The following ATP7A variants were observed in gnomAD, a reference collection of about 807,000 sequenced individuals.
ATP7A encodes the protein ATPase copper transporting alpha.
ATP7A carries 7 observed loss-of-function variants against 83.5 expected under a neutral mutation model. That is an observed-to-expected ratio of 0.08 (90% CI 0.05 to 0.16). ATP7A has a LOEUF of 0.16. Among genes scored for constraint, ATP7A ranks in the 10% least tolerant of loss-of-function variants. The pLI, the probability that ATP7A is intolerant of heterozygous loss-of-function variation, is 1.00. For missense variants in ATP7A, 940 were observed against 1,120.8 expected, an observed-to-expected ratio of 0.84 and a Z score of 2.30; for synonymous variants, 354 against 395.2, an observed-to-expected ratio of 0.90 and a Z score of 1.24.
At chrX:77,923,304 T>C (rs782514729) in intron 1 of ATP7A, 1 of 111,792 alleles carries the variant, frequency 8.9e-6, no homozygotes, top group South Asian at 3.7e-4. Context: ...CCATGCACAA[T>C]TTTTTCCCTC....
At chrX:78,038,051 C>T (rs782183000) in intron 17 of ATP7A, among the ~76,000 whole-genome samples, 5 of 73,144 alleles carry the variant, frequency 6.8e-5, no homozygotes, top group African/African-American at 2.9e-4. Context: ...CAGGAGTGGG[C>T]GGGGAGAATT....
chrX:77,950,498 T>C, intron 1 of ATP7A, among the ~76,000 whole-genome samples: 1 of 111,800 alleles, frequency 8.9e-6, no homozygotes, highest in Non-Finnish European at 1.9e-5. Context: ...TGTTCTGTTT[T>C]AAGCCACATA....
At chrX:77,990,302 A>G (rs2077662090) in intron 4 of ATP7A, among the ~76,000 whole-genome samples, 1 of 112,344 alleles carries the variant, frequency 8.9e-6, no homozygotes, top group Non-Finnish European at 1.9e-5. Context: ...AGCTATATAT[A>G]CAATGTGATC....
chrX:78,037,422 A>G (rs1473189772), intron 17 of ATP7A, among the ~76,000 whole-genome samples: 1 of 112,643 alleles, frequency 8.9e-6, no homozygotes, highest in Non-Finnish European at 1.9e-5. Context: ...TGTATTAAAC[A>G]TAGCAGATAT....
Position 78,046,704 on chromosome X carries a change from T to G in ATP7A, c.*134T>G, listed in dbSNP as rs1322388877. On this transcript the variant is annotated 3_prime_UTR_variant, in exon 23 of 23. Coordinates refer to ENST00000341514, the MANE Select transcript of ATP7A (RefSeq NM_000052.7). Reference sequence around the variant, plus strand: ...TATTAGGGATTCTATTTGAGTTGCGTTTATCTGTTGGCAAAAATATCTTTT... The same window carrying G: ...TATTAGGGATTCTATTTGAGTTGCGGTTATCTGTTGGCAAAAATATCTTTT... 1.1e-6 allele frequency: 1 copy of G among 887,271 alleles called. No individual in the cohort carries two copies. The highest frequency in any genetic ancestry group is 2.0e-5 in the African/African-American group (1 of 50,729). 73.1% of individuals were successfully genotyped at this position (887,271 alleles called of 1,213,427 possible).
chrX:78,050,254 C>G lies in ATP7A; in HGVS notation c.*3684C>G. ...TTGTTGAACATTGATTGTTTGGTAC[C>G]GAAAACAGCAGTGGACGATGTTGTG... On this transcript the variant is annotated 3_prime_UTR_variant, in exon 23 of 23. Transcript: ENST00000341514. 1 of 111,793 alleles carries G rather than the reference C, an allele frequency of 8.9e-6. No homozygotes were observed. The highest frequency in any genetic ancestry group is 1.9e-5 in the Non-Finnish European group (1 of 53,057). The allele number at this position is 111,793 out of a possible 1,213,427, so 9.2% of individuals were successfully genotyped here.
intron 15 of ATP7A, among the ~76,000 whole-genome samples, chrX:78,029,658 A>G (rs947069076): frequency 3.6e-5 from 4 of 111,997 alleles, no homozygotes; most frequent in Admixed American, 2.8e-4. Flanking sequence ...CTCCAGGCCT[A>G]TTTATTAGAG....
Position 77,970,375 on chromosome X carries a change from G to C in ATP7A, c.-21-1246G>C, listed in dbSNP as rs782091204. Among the ~76,000 whole-genome samples, 8 of 111,957 alleles carry C rather than the reference G, an allele frequency of 7.1e-5. No individual in the cohort carries two copies. The South Asian group carries it at 3.0e-3, about 42-fold the overall frequency. On this transcript the variant is annotated intron_variant, in intron 1 of 22. Coordinates refer to ENST00000341514, the MANE Select transcript of ATP7A (RefSeq NM_000052.7). ...CGCTTCTACCGTAGTCTATTCATTAGAAACAAGTCATTAGGCCAGGTGTGG... is the reference window on the plus strand; with the variant it reads ...CGCTTCTACCGTAGTCTATTCATTACAAACAAGTCATTAGGCCAGGTGTGG...
chrX:77,984,706 C>G (rs1423989055), intron 2 of ATP7A, among the ~76,000 whole-genome samples: 2 of 111,260 alleles, frequency 1.8e-5, no homozygotes, highest in Non-Finnish European at 3.8e-5. Context: ...GATTTAGCAC[C>G]CAGAGCTGTA....
intron 2 of ATP7A, among the ~76,000 whole-genome samples, chrX:77,986,772 T>C (rs984394010): frequency 4.5e-5 from 5 of 111,824 alleles, no homozygotes; most frequent in African/African-American, 1.3e-4. Flanking sequence ...CTTTTGCAAT[T>C]GCAGTAGCCT....
chrX:78,031,691 G>A (rs1260062954), intron 16 of ATP7A, 109 bp downstream of exon 16: 1 of 849,308 alleles, frequency 1.2e-6, no homozygotes, highest in Non-Finnish European at 1.7e-6. Context: ...TTGGTATGAG[G>A]CTAAAAAGAC....
chrX:78,020,297 A>G lies in ATP7A; in HGVS notation c.2680A>G (p.Ile894Val), dbSNP rs782430502. The change falls in exon 13 of 23, where the codon ATT (isoleucine) becomes GTT (valine). Residue 894 changes from isoleucine (I) to valine (V), a missense_variant. By Grantham distance (29) the Ile-to-Val change is conservative (BLOSUM62 3). This residue lies in a region of ATP7A where 386 missense variants were observed against 502.2 expected (regional missense o/e 0.77). Transcript: ENST00000341514. The part of the protein sequence containing the change: ...KPGSTVIAGS[I>V]NQNGSLLICA... The stretch of plus-strand genomic sequence containing the variant: ...TGGCAGCACAGTGATTGCTGGTTCC[A>G]TTAACCAGAACGGGTCACTGCTTAT... 1.5e-5 allele frequency: 18 copies of G among 1,209,993 alleles called. No individual in the cohort carries two copies. In the South Asian group the frequency reaches 2.6e-4, roughly 18 times the overall value.
chrX:77,991,304 G>A (rs782345464), intron 4 of ATP7A, among the ~76,000 whole-genome samples: 2 of 112,086 alleles, frequency 1.8e-5, no homozygotes, highest in Non-Finnish European at 1.9e-5. Flanking sequence ...CATCATTTAA[G>A]TGGAATCATA....
At chrX:78,009,017 C>CA (rs370905128) in intron 6 of ATP7A, 85 bp from the exon 7 acceptor site, 75,006 of 733,392 alleles carry the variant, frequency 0.1, 2 homozygotes, top group Non-Finnish European at 0.11. Flanking sequence ...GACTCTGTCT[C>CA]AAAAAAAAAA....
At chrX:78,046,199 G>C (rs1376440931) in intron 22 of ATP7A, 95 bp from the exon 23 acceptor site, 1 of 1,013,650 alleles carries the variant, frequency 9.9e-7, no homozygotes, top group East Asian at 3.0e-5. Context: ...CCAAAACTAA[G>C]TGTGGATGAG....
chrX:78,024,545 C>T (rs1014932306), intron 14 of ATP7A, among the ~76,000 whole-genome samples: 2 of 111,766 alleles, frequency 1.8e-5, no homozygotes, highest in Non-Finnish European at 3.8e-5. Flanking sequence ...GGTGGCTCCA[C>T]CCCTACTGCA....
At chrX:78,027,106 C>T (rs894993062) in intron 14 of ATP7A, among the ~76,000 whole-genome samples, 40 of 107,544 alleles carry the variant, frequency 3.7e-4, no homozygotes, top group African/African-American at 1.2e-3. Context: ...GCCTAGATCA[C>T]GCCATTGAAC....
At chrX:77,930,525 G>T (rs886562192) in intron 1 of ATP7A, among the ~76,000 whole-genome samples, 1 of 111,659 alleles carries the variant, frequency 9.0e-6, no homozygotes. Flanking sequence ...ATAGGGTTCC[G>T]CAATGAAAAA....
At chrX:77,911,172 A>G (rs1291139092) in intron 1 of ATP7A, among the ~76,000 whole-genome samples, 1 of 112,283 alleles carries the variant, frequency 8.9e-6, no homozygotes, top group East Asian at 2.8e-4. Context: ...TTGCTTAGTG[A>G]CACCTCTTTA....
Sources: gnomAD v4.1 joint callset for allele counts (sites outside exome capture counted in the v4.1 genomes callset) on GRCh38, gnomAD v4.1.1 for gene constraint, gnomAD v4.1.1 regional missense constraint, MANE v1.5 for transcripts, NCBI Gene and HGNC (gene_info 2026-07-23, HGNC 2026-07-21) for gene names.